PTPRD: variants seen among roughly 807,000 people sequenced by gnomAD.
The protein encoded by PTPRD is protein tyrosine phosphatase receptor type D.
In PTPRD, 34 loss-of-function variants were observed where a neutral mutation model predicts 214.5. That is an observed-to-expected ratio of 0.16 (90% CI 0.12 to 0.21). The LOEUF is 0.21. PTPRD is among the 10% of genes least tolerant of loss of function. The pLI is 1.00. For synonymous variants in PTPRD, 1,128 were observed against 845.7 expected, an observed-to-expected ratio of 1.33 and a Z score of -5.79; for missense variants, 2,545 against 2,398.7, an observed-to-expected ratio of 1.06 and a Z score of -1.27.
At chr9:9,654,813 A>G (rs1226054639) in intron 7 of PTPRD, among the ~76,000 whole-genome samples, 2 of 152,136 alleles carry the variant, frequency 1.3e-5, no homozygotes, top group East Asian at 3.8e-4. Context: ...ATAACAAATG[A>G]CTTTCTCTCT....
chr9:10,480,198 C>T (rs570842591), intron 2 of PTPRD, among the ~76,000 whole-genome samples: 8 of 152,262 alleles, frequency 5.3e-5, no homozygotes, highest in East Asian at 1.9e-4. Flanking sequence ...GTCCTATTCT[C>T]GGCCCAACTT....
chr9:9,411,028 C>G (rs529022300), intron 8 of PTPRD, among the ~76,000 whole-genome samples: 7 of 151,304 alleles, frequency 4.6e-5, no homozygotes, highest in Non-Finnish European at 1.0e-4. Context: ...CCCACCACAG[C>G]TGCAAAACCT....
chr9:10,601,537 T>C (rs1290327142), intron 2 of PTPRD, among the ~76,000 whole-genome samples: 1 of 151,782 alleles, frequency 6.6e-6, no homozygotes, highest in Non-Finnish European at 1.5e-5. Context: ...ATATACTGTA[T>C]TTTCAAATTA....
chr9:10,137,797 G>A (rs887486453), intron 3 of PTPRD, among the ~76,000 whole-genome samples: 8 of 151,242 alleles, frequency 5.3e-5, no homozygotes, highest in African/African-American at 2.0e-4. Context: ...TGGCTTTTTG[G>A]TAAACAACAA....
At chr9:9,139,831 G>C (rs1200098035) in intron 10 of PTPRD, among the ~76,000 whole-genome samples, 1 of 152,132 alleles carries the variant, frequency 6.6e-6, no homozygotes, top group Non-Finnish European at 1.5e-5. Context: ...CTTTCTATGA[G>C]GTTGTGATTG....
intron 3 of PTPRD, among the ~76,000 whole-genome samples, chr9:10,305,166 A>C (rs772137148): frequency 9.2e-5 from 14 of 152,272 alleles, no homozygotes; most frequent in African/African-American, 3.4e-4. Flanking sequence ...AGGATTCCCT[A>C]TTTAATAAAT....
At chr9:9,018,350 G>A (rs759212646) in intron 11 of PTPRD, among the ~76,000 whole-genome samples, 1 of 151,946 alleles carries the variant, frequency 6.6e-6, no homozygotes, top group Admixed American at 6.6e-5. Flanking sequence ...TAAATAAAAC[G>A]GTATATCTTA....
At chr9:10,378,870 A>T (rs1474571351) in intron 2 of PTPRD, among the ~76,000 whole-genome samples, 1 of 151,922 alleles carries the variant, frequency 6.6e-6, no homozygotes, top group Non-Finnish European at 1.5e-5. Flanking sequence ...TTGGTATTTT[A>T]ATAGGGATTG....
chr9:10,068,374 T>C (rs2097922387), intron 3 of PTPRD, among the ~76,000 whole-genome samples: 1 of 151,852 alleles, frequency 6.6e-6, no homozygotes, highest in South Asian at 2.1e-4. Flanking sequence ...AGATAATCCA[T>C]CCTGAAGTAT....
At chr9:9,964,299 T>G (rs1051001702) in intron 4 of PTPRD, among the ~76,000 whole-genome samples, 1 of 152,206 alleles carries the variant, frequency 6.6e-6, no homozygotes, top group African/African-American at 2.4e-5. Context: ...GCAGGCTTGT[T>G]AGAAATACGT....
chr9:10,049,852 C>A (rs1567319649), intron 3 of PTPRD, among the ~76,000 whole-genome samples: 1 of 152,146 alleles, frequency 6.6e-6, no homozygotes, highest in Non-Finnish European at 1.5e-5. Flanking sequence ...AACATTTACA[C>A]CTGACAAGGG....
chr9:8,332,817 T>A (rs1842790586), intron 43 of PTPRD, among the ~76,000 whole-genome samples: 1 of 152,220 alleles, frequency 6.6e-6, no homozygotes, highest in Admixed American at 6.5e-5. Context: ...CGATCTCATT[T>A]CTCATTTGAA....
rs139067337 is a variant in PTPRD at position 9,945,471 on chromosome 9, T to C, written c.-471-6861A>G. ...AGAAGAAGTAAAATGGAGCTGTTAATGAAATATGCAGGAAGTCAGAGAGTG... is the reference window on the plus strand; with the variant it reads ...AGAAGAAGTAAAATGGAGCTGTTAACGAAATATGCAGGAAGTCAGAGAGTG... On this transcript the variant is annotated intron_variant, in intron 4 of 45. Coordinates refer to ENST00000381196, the MANE Select transcript of PTPRD (RefSeq NM_002839.4). 2.1e-4 allele frequency among the ~76,000 whole-genome samples: 32 copies of C among 152,218 alleles called. No individual in the cohort carries two copies. The East Asian group carries it at 6.2e-3, about 30-fold the overall frequency.
intron 10 of PTPRD, among the ~76,000 whole-genome samples, chr9:9,143,771 A>G (rs1003494582): frequency 1.3e-5 from 2 of 152,224 alleles, no homozygotes; most frequent in Non-Finnish European, 2.9e-5. Context: ...AAGGCTTGAG[A>G]CTGCCAGTTC....
chr9:8,524,343 T>C (rs1478351907), intron 18 of PTPRD, among the ~76,000 whole-genome samples: 2 of 152,200 alleles, frequency 1.3e-5, no homozygotes, highest in African/African-American at 2.4e-5. Flanking sequence ...TGTACATATG[T>C]GCACATATAT....
intron 10 of PTPRD, among the ~76,000 whole-genome samples, chr9:9,029,391 C>T (rs1009371003): frequency 1.3e-5 from 2 of 151,726 alleles, no homozygotes; most frequent in African/African-American, 4.8e-5. Context: ...AAATGATAAC[C>T]TACTCAAGGC....
intron 3 of PTPRD, among the ~76,000 whole-genome samples, chr9:10,165,788 C>T (rs893549742): frequency 2.6e-5 from 4 of 150,996 alleles, no homozygotes; most frequent in Non-Finnish European, 5.9e-5. Context: ...AAAAACCATA[C>T]TGTAAATAAT....
chr9:8,813,137 C>T (rs1036733113), intron 11 of PTPRD, among the ~76,000 whole-genome samples: 3 of 152,070 alleles, frequency 2.0e-5, no homozygotes, highest in Non-Finnish European at 4.4e-5. Context: ...AAATGGGGCT[C>T]CAATGTGTTC....
At chr9:8,768,200 C>T (rs1483637400) in intron 11 of PTPRD, among the ~76,000 whole-genome samples, 2 of 152,028 alleles carry the variant, frequency 1.3e-5, no homozygotes, top group African/African-American at 2.4e-5. Context: ...TTTGAAACCA[C>T]CCTGGGCAAC....
Sources: allele counts gnomAD v4.1 joint callset (sites outside exome capture counted in the v4.1 genomes callset), GRCh38; gene constraint gnomAD v4.1.1; transcripts MANE v1.5; gene names NCBI Gene and HGNC (gene_info 2026-07-23, HGNC 2026-07-21).